The following CTCFL variants were observed in gnomAD, a reference collection of about 807,000 sequenced individuals.
CTCFL encodes CCCTC-binding factor like, also known as transcriptional repressor CTCFL.
Under a neutral mutation model 67.4 loss-of-function variants are expected in CTCFL, and 36 were observed. The observed-to-expected ratio is 0.53, with a 90% CI of 0.41 to 0.71. The LOEUF (loss-of-function observed/expected upper bound fraction) is 0.71, where lower values mean the gene tolerates loss of function less well. Among genes scored for constraint, CTCFL ranks in the 30% least tolerant of loss-of-function variants. CTCFL has a pLI of 0.00. For missense variants in CTCFL, 786 were observed against 835.2 expected, an observed-to-expected ratio of 0.94 and a Z score of 0.73; for synonymous variants, 324 against 302.3, an observed-to-expected ratio of 1.07 and a Z score of -0.75.
intron 5 of CTCFL, among the ~76,000 whole-genome samples, chr20:57,516,749 T>G (rs1199301871): frequency 1.3e-5 from 2 of 152,226 alleles, no homozygotes; most frequent in Non-Finnish European, 2.9e-5. Flanking sequence ...TAGAAGAAAT[T>G]AAATTCTAAT....
At chr20:57,496,111 A>T, downstream of CTCFL, 1 of 404,716 alleles carries the variant, frequency 2.5e-6, no homozygotes, top group Non-Finnish European at 4.4e-6. Context: ...GCCTGGTAGG[A>T]GGTGACTGGA....
In CTCFL at chr20:57,500,083, G is replaced by GTT. The variant is rs142568316; in HGVS notation, c.1841-1383_1841-1382insAA. On this transcript the variant is annotated intron_variant, in intron 10 of 10. Transcript: ENST00000243914. ...ATATTTTTGTCCATGCTTCCTTGAA[G>GTT]TATTTTTTTTTTTTTTTTTTTGGTG... 1,057 of 759,896 alleles carry GTT rather than the reference G, an allele frequency of 1.4e-3. 14 individuals are homozygous for GTT. In the African/African-American group the frequency reaches 0.031, roughly 22 times the overall value. The allele number at this position is 759,896 out of a possible 1,614,324, so 47.1% of individuals were successfully genotyped here.
At chr20:57,496,568 A>G (rs967428481), downstream of CTCFL, among the ~76,000 whole-genome samples, 1 of 152,184 alleles carries the variant, frequency 6.6e-6, no homozygotes, top group Admixed American at 6.5e-5. Context: ...CTTCATCCCA[A>G]ATAAACTGTG....
intron 8 of CTCFL, among the ~76,000 whole-genome samples, chr20:57,511,594 C>CG (rs2068558918): frequency 6.6e-6 from 1 of 151,142 alleles, no homozygotes; most frequent in Admixed American, 6.6e-5. Flanking sequence ...CTAATCCCCC[C>CG]CCTTTTTTTT....
intron 10 of CTCFL, among the ~76,000 whole-genome samples, chr20:57,501,967 G>C (rs2067939339): frequency 6.6e-6 from 1 of 152,240 alleles, no homozygotes; most frequent in South Asian, 2.1e-4. Flanking sequence ...GAGGCCTGTG[G>C]TCATGATAAG....
intron 3 of CTCFL, among the ~76,000 whole-genome samples, chr20:57,521,814 A>G (rs1056065347): frequency 6.6e-6 from 1 of 152,238 alleles, no homozygotes; most frequent in Non-Finnish European, 1.5e-5. Context: ...TCAAGAATCT[A>G]GACACGAAAG....
chr20:57,504,121 C>G (rs1023974822), intron 9 of CTCFL, among the ~76,000 whole-genome samples: 4 of 151,784 alleles, frequency 2.6e-5, no homozygotes, highest in African/African-American at 9.7e-5. Context: ...GGACTACAGG[C>G]ACCCGTCACC....
chr20:57,501,277 GC>G (rs2067899006), intron 10 of CTCFL, among the ~76,000 whole-genome samples: 1 of 152,172 alleles, frequency 6.6e-6, no homozygotes, highest in Non-Finnish European at 1.5e-5. Context: ...TGCAGGAGGG[GC>G]AGCGCAGGAC....
In CTCFL at chr20:57,523,962, G is replaced by A. The variant is rs200399498; in HGVS notation, c.244C>T (p.Leu82=). The change falls in exon 2 of 11, where the codon CTG becomes TTG. Residue 82 remains leucine (L), a synonymous_variant. Transcript: ENST00000243914. ...SEESEKYILT[L]QTVHFTSEAV... The stretch of plus-strand genomic sequence containing the variant: ...TCAGAAGTGAAGTGCACCGTCTGCA[G>A]GGTCAGGATGTACTTCTCGCTCTCC... 6.2e-7 allele frequency: 1 copy of A among 1,613,110 alleles called. No homozygotes were observed. The highest frequency in any genetic ancestry group is 8.5e-7 in the Non-Finnish European group (1 of 1,180,014).
In CTCFL at chr20:57,497,765, G is replaced by T; in HGVS notation, c.*785C>A. On this transcript the variant is annotated 3_prime_UTR_variant, in exon 11 of 11. Transcript: ENST00000243914. ...AAGAGTAGTTTTAGCAGAAAAAAGG[G>T]TTATGGAGTGAAATACTAATAAGCA... The T allele has an allele frequency of 1.0e-6, 1 of 984,700 alleles. No individual in the cohort carries two copies. The highest frequency in any genetic ancestry group is 1.2e-6 in the Non-Finnish European group (1 of 829,276). The allele number at this position is 984,700 out of a possible 1,614,324, so 61.0% of individuals were successfully genotyped here.
At chr20:57,496,164 T>C, downstream of CTCFL, 1 of 446,296 alleles carries the variant, frequency 2.2e-6, no homozygotes, top group Admixed American at 3.8e-5. Context: ...ACCATCCGCT[T>C]GGTGCTGTCC....
intron 3 of CTCFL, among the ~76,000 whole-genome samples, chr20:57,521,966 A>C (rs1341549465): frequency 6.6e-6 from 1 of 152,210 alleles, no homozygotes; most frequent in Non-Finnish European, 1.5e-5. Flanking sequence ...CAGGCCTCTT[A>C]TTGGGGTGAT....
intron 6 of CTCFL, 43 bp downstream of exon 6, chr20:57,515,671 G>A (rs1164630847): frequency 6.2e-7 from 1 of 1,613,560 alleles, no homozygotes; most frequent in South Asian, 1.1e-5. Context: ...TGCTTTAAGA[G>A]TTAACACTGT....
chr20:57,511,413 T>C (rs2068544601), intron 8 of CTCFL, among the ~76,000 whole-genome samples: 1 of 152,272 alleles, frequency 6.6e-6, no homozygotes, highest in South Asian at 2.1e-4. Context: ...CTCTGCGACA[T>C]TATAACCTCT....
rs775065931 is a variant in CTCFL, at chr20:57,508,143, C to T, written c.1674+463G>A. On this transcript the variant is annotated intron_variant, in intron 9 of 10. Transcript: ENST00000243914. ...GAGGGATGGGGGTCTCCCTGTGTTG[C>T]CCAGGCTGATCTCAAACTCCTGGCC... 5.3e-5 allele frequency among the ~76,000 whole-genome samples: 8 copies of T among 151,922 alleles called. No individual in the cohort carries two copies. In the South Asian group the frequency reaches 1.7e-3, roughly 32 times the overall value.
At chr20:57,509,787 A>G (rs1247703848) in intron 8 of CTCFL, among the ~76,000 whole-genome samples, 2 of 152,104 alleles carry the variant, frequency 1.3e-5, no homozygotes, top group Non-Finnish European at 2.9e-5. Context: ...TTCCATGCAC[A>G]GCTTTCACCT....
intron 5 of CTCFL, among the ~76,000 whole-genome samples, chr20:57,516,737 A>C (rs915514624): frequency 2.6e-5 from 4 of 152,244 alleles, no homozygotes; most frequent in African/African-American, 9.6e-5. Flanking sequence ...TTAAGTTTTA[A>C]GTAGAAGAAA....
At chr20:57,508,815 T>C in intron 8 of CTCFL, 27 bp from the exon 9 acceptor site, 1 of 1,607,092 alleles carries the variant, frequency 6.2e-7, no homozygotes, top group South Asian at 1.1e-5. Context: ...AGAAAGCAGC[T>C]TGTCTAGTTC....
chr20:57,520,090 C>T (rs2069241378), intron 3 of CTCFL, among the ~76,000 whole-genome samples: 1 of 152,090 alleles, frequency 6.6e-6, no homozygotes, highest in Non-Finnish European at 1.5e-5. Flanking sequence ...AAACATTTGC[C>T]CTAAGAAGAT....
Sources: gnomAD v4.1 joint callset for allele counts (sites outside exome capture counted in the v4.1 genomes callset) on GRCh38, gnomAD v4.1.1 for gene constraint, MANE v1.5 for transcripts, NCBI Gene and HGNC (gene_info 2026-07-23, HGNC 2026-07-21) for gene names.